Variants in FRMD1 observed in about 807,000 individuals in gnomAD.
FRMD1 encodes the protein FERM domain containing 1.
FRMD1 carries 51 observed loss-of-function variants against 54.9 expected under a neutral mutation model. The ratio of observed to expected loss-of-function variants is 0.93; its 90% CI spans 0.74 to 1.17. FRMD1 has a LOEUF of 1.17. Ranked by LOEUF, FRMD1 falls within the 50% of genes most tolerant of loss-of-function variation. The pLI is 0.00. For synonymous variants in FRMD1, 324 were observed against 306.4 expected (o/e 1.06, Z -0.60); for missense variants, 729 against 743.0 (o/e 0.98, Z 0.22).
At chr6:168,065,921 T>C (rs370935294) in intron 4 of FRMD1, 7 of 1,000,220 alleles carry the variant, frequency 7.0e-6, no homozygotes, top group Admixed American at 6.1e-5. Context: ...GTTCTGGAAG[T>C]AAGTCTCAGG....
At chr6:168,086,083 G>A (rs972032433), upstream of FRMD1, among the ~76,000 whole-genome samples, 3 of 152,240 alleles carry the variant, frequency 2.0e-5, no homozygotes, top group African/African-American at 7.2e-5. Context: ...CCTGCCTTCC[G>A]GCCCTGGAGC....
intron 1 of FRMD1, among the ~76,000 whole-genome samples, chr6:168,090,204 T>C (rs887282642): frequency 2.6e-5 from 4 of 152,136 alleles, no homozygotes; most frequent in African/African-American, 9.7e-5. Context: ...GAGTCTCCTC[T>C]GCCATTCTTG....
At chr6:168,072,116 G>A (rs1402945834) in intron 2 of FRMD1, among the ~76,000 whole-genome samples, 1 of 152,240 alleles carries the variant, frequency 6.6e-6, no homozygotes, top group Non-Finnish European at 1.5e-5. Context: ...CCAACACCGA[G>A]GATCATCAGC....
intron 1 of FRMD1, 49 bp downstream of exon 1, chr6:168,078,833 C>A (rs1403380153): frequency 7.3e-7 from 1 of 1,365,194 alleles, no homozygotes; most frequent in East Asian, 2.8e-5. Context: ...GAGCCCTGCT[C>A]ACCCCCACAG....
At chr6:168,069,621 C>T (rs1562420514) in intron 2 of FRMD1, among the ~76,000 whole-genome samples, 1 of 152,206 alleles carries the variant, frequency 6.6e-6, no homozygotes, top group Non-Finnish European at 1.5e-5. Flanking sequence ...TAAATCACCC[C>T]ACTGTATCCT....
Sources: allele counts gnomAD v4.1 joint callset (sites outside exome capture counted in the v4.1 genomes callset), GRCh38; gene constraint gnomAD v4.1.1; transcripts MANE v1.5; gene names NCBI Gene and HGNC (gene_info 2026-07-23, HGNC 2026-07-21).